Variants in OVOL2 observed in about 807,000 individuals in gnomAD.
The protein encoded by OVOL2 is transcription factor Ovo-like 2.
A neutral mutation model predicts 18.1 loss-of-function variants in OVOL2; 13 were observed. That is an observed-to-expected ratio of 0.72 (90% CI 0.47 to 1.14). OVOL2 has a LOEUF of 1.14. Among genes scored for constraint, OVOL2 ranks in the 50% most tolerant of loss-of-function variants. OVOL2 has a pLI of 0.00. For missense variants in OVOL2, 335 were observed against 383.0 expected, an observed-to-expected ratio of 0.87 and a Z score of 1.05; for synonymous variants, 166 against 162.7, an observed-to-expected ratio of 1.02 and a Z score of -0.16.
chr20:18,039,815 T>C (rs779020264), intron 3 of OVOL2, among the ~76,000 whole-genome samples: 6 of 152,104 alleles, frequency 3.9e-5, no homozygotes, highest in Non-Finnish European at 8.8e-5. Flanking sequence ...AGAAGGAACC[T>C]GTATGAGGGC....
intron 3 of OVOL2, among the ~76,000 whole-genome samples, chr20:18,031,798 C>T (rs1275197248): frequency 2.0e-5 from 3 of 152,084 alleles, no homozygotes; most frequent in Non-Finnish European, 2.9e-5. Context: ...CTACCTAGTC[C>T]GAAAAATATT....
intron 3 of OVOL2, among the ~76,000 whole-genome samples, chr20:18,031,002 G>A (rs967677982): frequency 2.0e-5 from 3 of 152,148 alleles, no homozygotes; most frequent in East Asian, 1.9e-4. Flanking sequence ...TGGGCAAGAC[G>A]GACTGATGCC....
chr20:18,045,027 C>G (rs769903089), intron 2 of OVOL2, among the ~76,000 whole-genome samples: 7 of 152,162 alleles, frequency 4.6e-5, no homozygotes, highest in Non-Finnish European at 8.8e-5. Context: ...AAAGGGGGAA[C>G]ATCACAGGGG....
intron 3 of OVOL2, among the ~76,000 whole-genome samples, chr20:18,025,983 G>A (rs1180284031): frequency 2.0e-5 from 3 of 152,270 alleles, no homozygotes; most frequent in Non-Finnish European, 4.4e-5. Context: ...AGAAATGGCA[G>A]ATGCCCAGGC....
intron 3 of OVOL2, among the ~76,000 whole-genome samples, chr20:18,040,637 C>T (rs1028611040): frequency 6.6e-6 from 1 of 152,006 alleles, no homozygotes; most frequent in African/African-American, 2.4e-5. Flanking sequence ...GCAGTGAGGC[C>T]GAGACAAGAG....
chr20:18,040,202 G>A (rs1320576227), intron 3 of OVOL2, among the ~76,000 whole-genome samples: 1 of 152,174 alleles, frequency 6.6e-6, no homozygotes, highest in Non-Finnish European at 1.5e-5. Flanking sequence ...AGGATTACGA[G>A]CAGGAGCCAC....
chr20:18,057,919 G>GAA, upstream of OVOL2: 2 of 1,273,482 alleles, frequency 1.6e-6, no homozygotes, highest in Non-Finnish European at 2.0e-6. This position sits in a 1 kb window ranked among gnomAD's most constrained non-coding sequence, Gnocchi z 6.3. Flanking sequence ...GGAAACTTGG[G>GAA]ACTGAGCATG....
At chr20:18,030,849 T>A (rs971124916) in intron 3 of OVOL2, among the ~76,000 whole-genome samples, 2 of 152,102 alleles carry the variant, frequency 1.3e-5, no homozygotes, top group East Asian at 3.9e-4. Flanking sequence ...AACGCCACCA[T>A]TCACCCCTCA....
chr20:18,024,909 G>C lies in OVOL2; in HGVS notation c.555C>G (p.Thr185=). 6.2e-7 allele frequency: 1 copy of C among 1,614,040 alleles called. No homozygotes were observed. Among genetic ancestry groups the C allele is most frequent in the South Asian group, 1.1e-5 (1 of 91,086 alleles). ...YKCNVCNKAF[T]QRCSLESHLK... ...GGTGGGACTCCAGAGAGCAGCGCTG[G>C]GTGAAGGCTTTATTGCAGACGTTGC... is the stretch of plus-strand genomic sequence containing the variant. Residue 185 remains threonine, a synonymous_variant, in exon 4 of 4, where the codon ACC becomes ACG. Transcript: ENST00000278780.
Position 18,024,391 on chromosome 20 carries a change from T to A in OVOL2, c.*245A>T. The stretch of plus-strand genomic sequence containing the variant: ...CACACGGTGTTCTTGGCCATCAGGA[T>A]CATGAAAACAAACTTTGGTGAATGT... On this transcript the variant is annotated 3_prime_UTR_variant, in exon 4 of 4. Transcript: ENST00000278780. 1.5e-6 allele frequency: 1 copy of A among 658,338 alleles called. No homozygotes were observed. The allele number at this position is 658,338 out of a possible 1,614,324, so 40.8% of individuals were successfully genotyped here.
At chr20:18,046,296 A>G (rs941780156) in intron 2 of OVOL2, among the ~76,000 whole-genome samples, 1 of 152,214 alleles carries the variant, frequency 6.6e-6, no homozygotes. Context: ...AACTAAATAC[A>G]TGTCTATCAA....
intron 3 of OVOL2, among the ~76,000 whole-genome samples, chr20:18,037,133 C>T (rs1159129028): frequency 4.9e-5 from 5 of 102,346 alleles, no homozygotes; most frequent in Non-Finnish European, 8.1e-5. Flanking sequence ...GAGACTCCGT[C>T]TCAAAAAAAA....
upstream of OVOL2, among the ~76,000 whole-genome samples, chr20:18,058,527 C>T (rs1350531582): frequency 3.3e-5 from 5 of 151,762 alleles, no homozygotes; most frequent in Non-Finnish European, 7.4e-5. Flanking sequence ...GCAGCTTCTC[C>T]TCACAAGACG....
rs370181051 is a variant in OVOL2 at position 18,047,487 on chromosome 20, G to A, written c.322-5764C>T. On this transcript the variant is annotated intron_variant, in intron 2 of 3. Coordinates refer to ENST00000278780, the MANE Select transcript of OVOL2 (RefSeq NM_021220.4). The stretch of plus-strand genomic sequence containing the variant: ...ATTGTGCCGTTGCACTCCAGCCTGG[G>A]CAACAAGACTGTAACTCTGTCTCAA... Among the ~76,000 whole-genome samples, 3 of 149,022 alleles carry A rather than the reference G, an allele frequency of 2.0e-5. No homozygotes were observed. In the East Asian group the frequency reaches 5.8e-4, roughly 29 times the overall value.
chr20:18,036,509 CCTAAGGTGATAACTGCGAAACCCTTTGGG>C (rs1322957551), intron 3 of OVOL2, among the ~76,000 whole-genome samples: 1 of 152,094 alleles, frequency 6.6e-6, no homozygotes, highest in Non-Finnish European at 1.5e-5. Context: ...TAGCCTTTCC[CCTAAGGTGATAACTGCGAAACCCTTTGGG>C]AAAACGTCAG....
intron 3 of OVOL2, 110 bp from the exon 4 acceptor site, chr20:18,025,062 G>A (rs1402109766): frequency 1.6e-6 from 2 of 1,281,484 alleles, no homozygotes; most frequent in Non-Finnish European, 1.1e-6. Context: ...ATGGCAGCAT[G>A]AGGACAATGG....
chr20:18,032,517 A>T (rs1473581557), intron 3 of OVOL2, among the ~76,000 whole-genome samples: 3 of 151,750 alleles, frequency 2.0e-5, no homozygotes, highest in African/African-American at 7.3e-5. Context: ...TATTATTATT[A>T]TTATTTTGAG....
At chr20:18,049,927 T>A (rs2036757582) in intron 2 of OVOL2, among the ~76,000 whole-genome samples, 1 of 152,190 alleles carries the variant, frequency 6.6e-6, no homozygotes, top group African/African-American at 2.4e-5. Flanking sequence ...ACGGCTGACA[T>A]ACTGGACAGT....
intron 2 of OVOL2, among the ~76,000 whole-genome samples, chr20:18,052,460 T>C (rs2036779135): frequency 6.6e-6 from 1 of 152,218 alleles, no homozygotes; most frequent in Admixed American, 6.5e-5. Flanking sequence ...AATGGTATGA[T>C]GTCCTAGATT....
Sources: gnomAD v4.1 joint callset for allele counts (sites outside exome capture counted in the v4.1 genomes callset) on GRCh38, gnomAD v4.1.1 for gene constraint, Gnocchi (gnomAD v3.1) non-coding constraint, MANE v1.5 for transcripts, NCBI Gene and HGNC (gene_info 2026-07-23, HGNC 2026-07-21) for gene names.